Variants in CDK19 observed in about 807,000 individuals in gnomAD.
CDK19 encodes cyclin dependent kinase 19.
In CDK19, 20 loss-of-function variants were observed where a neutral mutation model predicts 68.3. The observed-to-expected ratio is 0.29, with a 90% confidence interval of 0.21 to 0.43. The LOEUF is 0.43. Ranked by LOEUF, CDK19 falls within the 20% of genes least tolerant of loss-of-function variation. CDK19 has a pLI of 1.00. For synonymous variants in CDK19, 221 were observed against 222.8 expected (o/e 0.99, Z 0.07); for missense variants, 339 against 623.5 (o/e 0.54, Z 4.86).
At chr6:110,710,563 C>A (rs1420415431) in intron 2 of CDK19, among the ~76,000 whole-genome samples, 1 of 152,190 alleles carries the variant, frequency 6.6e-6, no homozygotes, top group Non-Finnish European at 1.5e-5. Flanking sequence ...TCTCACATTT[C>A]TGTAGATCAG....
At chr6:110,734,013 T>C (rs1210111420) in intron 2 of CDK19, among the ~76,000 whole-genome samples, 1 of 152,088 alleles carries the variant, frequency 6.6e-6, no homozygotes, top group Admixed American at 6.6e-5. Flanking sequence ...TCACCAACTT[T>C]GGTTTTTTTG....
intron 2 of CDK19, among the ~76,000 whole-genome samples, chr6:110,737,618 T>TA (rs2114833840): frequency 6.6e-6 from 1 of 152,080 alleles, no homozygotes; most frequent in East Asian, 1.9e-4. Flanking sequence ...TAAAAGGAAA[T>TA]AAAAAATGCT....
chr6:110,784,811 C>T (rs374612669), intron 1 of CDK19, among the ~76,000 whole-genome samples: 23 of 151,968 alleles, frequency 1.5e-4, no homozygotes, highest in African/African-American at 4.8e-4. Context: ...TATACCCATA[C>T]ATGCTACAAT....
chr6:110,716,891 TG>T (rs1365152369), intron 2 of CDK19, among the ~76,000 whole-genome samples: 1 of 152,200 alleles, frequency 6.6e-6, no homozygotes, highest in Non-Finnish European at 1.5e-5. Context: ...CCCAGCACTT[TG>T]GGAGGCCGAG....
chr6:110,758,400 T>C (rs528612216), intron 1 of CDK19, among the ~76,000 whole-genome samples: 1 of 152,302 alleles, frequency 6.6e-6, no homozygotes, highest in Non-Finnish European at 1.5e-5. Context: ...GAGCAAGCGC[T>C]TTGTTCAATA....
At chr6:110,794,639 G>C (rs914383697) in intron 1 of CDK19, among the ~76,000 whole-genome samples, 4 of 151,390 alleles carry the variant, frequency 2.6e-5, no homozygotes, top group Non-Finnish European at 5.9e-5. Context: ...TCCTGACCTC[G>C]TGATCCACCC....
chr6:110,717,806 A>C (rs1775522059), intron 2 of CDK19, among the ~76,000 whole-genome samples: 1 of 152,100 alleles, frequency 6.6e-6, no homozygotes, highest in Non-Finnish European at 1.5e-5. Flanking sequence ...GGTTCAAGCA[A>C]TTCTCCTGCC....
chr6:110,638,767 G>A (rs879542888), intron 4 of CDK19, 61 bp from the exon 5 acceptor site: 28 of 886,950 alleles, frequency 3.2e-5, no homozygotes, highest in Non-Finnish European at 5.2e-5. Context: ...GCTCTAAAAT[G>A]GAGAAAAGTT....
intron 4 of CDK19, chr6:110,646,502 G>A (rs887638234): frequency 5.7e-6 from 8 of 1,406,260 alleles, no homozygotes; most frequent in Non-Finnish European, 6.6e-6. Flanking sequence ...TGCCAGCGTG[G>A]TGCCCTGGGA....
At chr6:110,665,196 G>A (rs1444152083) in intron 4 of CDK19, among the ~76,000 whole-genome samples, 1 of 152,196 alleles carries the variant, frequency 6.6e-6, no homozygotes, top group African/African-American at 2.4e-5. Flanking sequence ...GTTGACAACA[G>A]ACAAGTATAG....
In CDK19 at chr6:110,815,192, C is replaced by T; in HGVS notation, c.-56G>A. Reference sequence around the variant, plus strand: ...CGGGGGCCGCCGCCGCTCAGTCCCTCCTCCTCCTCCCCCCGCGACCGCCGC... The same window carrying T: ...CGGGGGCCGCCGCCGCTCAGTCCCTTCTCCTCCTCCCCCCGCGACCGCCGC... On this transcript the variant is annotated 5_prime_UTR_variant, in exon 1 of 13. Coordinates refer to ENST00000368911, the MANE Select transcript of CDK19 (RefSeq NM_015076.5). 6.7e-7 allele frequency: 1 copy of T among 1,493,370 alleles called. No individual in the cohort carries two copies. Among genetic ancestry groups the T allele is most frequent in the South Asian group, 1.3e-5 (1 of 78,084 alleles). 92.5% of individuals were successfully genotyped at this position (1,493,370 alleles called of 1,614,324 possible).
At chr6:110,646,359 C>G in intron 4 of CDK19, 1 of 1,465,208 alleles carries the variant, frequency 6.8e-7, no homozygotes, top group Non-Finnish European at 9.0e-7. Context: ...GTGCCTCTTC[C>G]ATGTGGGCGA....
At chr6:110,749,651 C>T (rs189881891) in intron 1 of CDK19, among the ~76,000 whole-genome samples, 37 of 152,152 alleles carry the variant, frequency 2.4e-4, no homozygotes, top group Admixed American at 4.6e-4. Context: ...TGTACCACCG[C>T]GCCCTCCTGG....
chr6:110,682,318 C>T (rs927363913), intron 2 of CDK19, among the ~76,000 whole-genome samples: 8 of 152,118 alleles, frequency 5.3e-5, no homozygotes, highest in African/African-American at 1.2e-4. Context: ...TGTCTTAACA[C>T]CTCTTTCCCC....
intron 1 of CDK19, among the ~76,000 whole-genome samples, chr6:110,806,377 A>G (rs1393551974): frequency 6.6e-6 from 1 of 151,640 alleles, no homozygotes; most frequent in Non-Finnish European, 1.5e-5. Context: ...TTAACATTTC[A>G]CTTCCTTATT....
chr6:110,805,667 G>A (rs1305575982), intron 1 of CDK19, among the ~76,000 whole-genome samples: 1 of 151,862 alleles, frequency 6.6e-6, no homozygotes, highest in African/African-American at 2.4e-5. Flanking sequence ...AACTCCTGCT[G>A]TTCAACAGTC....
intron 1 of CDK19, among the ~76,000 whole-genome samples, chr6:110,761,945 G>A (rs1461897304): frequency 6.6e-6 from 1 of 151,986 alleles, no homozygotes; most frequent in African/African-American, 2.4e-5. Context: ...CTTTTCTTAG[G>A]ATTCCTTTGA....
chr6:110,725,331 G>T (rs1338682773), intron 2 of CDK19, among the ~76,000 whole-genome samples: 1 of 151,924 alleles, frequency 6.6e-6, no homozygotes, highest in Non-Finnish European at 1.5e-5. Flanking sequence ...GCAAACAGAA[G>T]AGGAAAACAT....
intron 2 of CDK19, 195 bp from the exon 3 acceptor site, chr6:110,670,736 T>C: frequency 1.5e-6 from 1 of 651,692 alleles, no homozygotes; most frequent in Non-Finnish European, 2.8e-6. Context: ...ATCTTTCCAA[T>C]CCTTTTTCTA....
Sources: allele counts gnomAD v4.1 joint callset (sites outside exome capture counted in the v4.1 genomes callset), GRCh38; gene constraint gnomAD v4.1.1; transcripts MANE v1.5; gene names NCBI Gene and HGNC (gene_info 2026-07-23, HGNC 2026-07-21).